ARHGAP11A: variants seen among roughly 807,000 people sequenced by gnomAD.
ARHGAP11A encodes Rho GTPase activating protein 11A, also known as rho GTPase-activating protein 11A.
Under a neutral mutation model 60.5 loss-of-function variants are expected in ARHGAP11A, and 36 were observed. The observed-to-expected ratio is 0.59, with a 90% CI of 0.46 to 0.79. The LOEUF is 0.79. Among genes scored for constraint, ARHGAP11A ranks in the 30% least tolerant of loss-of-function variants. ARHGAP11A has a pLI of 0.00. For missense variants in ARHGAP11A, 1,071 were observed against 1,199.2 expected, an observed-to-expected ratio of 0.89 and a Z score of 1.58; for synonymous variants, 362 against 415.5, an observed-to-expected ratio of 0.87 and a Z score of 1.57.
Position 32,618,763 on chromosome 15 carries a change from C to T in ARHGAP11A, c.130-1345C>T, listed in dbSNP as rs946464817. ...ATCCTAGCTAACACGGTGAAACCCCCCCCCCCCCGCCCCACGTCTCTACTA... is the reference window on the plus strand; with the variant it reads ...ATCCTAGCTAACACGGTGAAACCCCTCCCCCCCCGCCCCACGTCTCTACTA... On this transcript the variant is annotated intron_variant, in intron 1 of 11. Coordinates refer to ENST00000361627, the MANE Select transcript of ARHGAP11A (RefSeq NM_014783.6). Among the ~76,000 whole-genome samples the T allele has an allele frequency of 2.2e-5, 3 of 134,542 alleles. 1 individual carries two copies. The highest frequency in any genetic ancestry group is 4.9e-5 in the Non-Finnish European group (3 of 61,604). The allele number at this position is 134,542 out of a possible 152,430, so 88.3% of individuals were successfully genotyped here. A position where few individuals can be genotyped will look rare whatever the true frequency, so the allele number is the denominator to read the frequency against.
chr15:32,634,160 C>T (rs2053651165), intron 10 of ARHGAP11A, 119 bp downstream of exon 10: 1 of 686,502 alleles, frequency 1.5e-6, no homozygotes. Context: ...TCTTTTTATC[C>T]AAAACTCTTA....
At chr15:32,617,545 C>T (rs1402684610) in intron 1 of ARHGAP11A, among the ~76,000 whole-genome samples, 1 of 142,564 alleles carries the variant, frequency 7.0e-6, no homozygotes, top group Non-Finnish European at 1.5e-5. Flanking sequence ...GATCTTGGCT[C>T]ACTGCAAGCT....
At chr15:32,621,240 G>T (rs2053294767) in intron 2 of ARHGAP11A, among the ~76,000 whole-genome samples, 2 of 138,976 alleles carry the variant, frequency 1.4e-5, no homozygotes, top group South Asian at 4.5e-4. Context: ...GCCCAGGCTG[G>T]AGTGCAATGG....
rs1287088786 is a variant in ARHGAP11A, at chr15:32,623,601, T to C, written c.297+13T>C. 2.5e-6 allele frequency: 4 copies of C among 1,604,748 alleles called. No individual in the cohort carries two copies. The highest frequency in any genetic ancestry group is 3.4e-6 in the Non-Finnish European group (4 of 1,176,616). ...AAAAGCACTAAAGGTGAGCATATTG[T>C]TGAACTATTAATTTTTCATTTGAGC... On this transcript the variant is annotated intron_variant, in intron 3 of 11. Transcript: ENST00000361627.
In ARHGAP11A at chr15:32,616,220, T is replaced by A; in HGVS notation, c.9T>A (p.Asp3Glu). 6 of 1,614,104 alleles carry A rather than the reference T, an allele frequency of 3.7e-6. No homozygotes were observed. Among genetic ancestry groups the A allele is most frequent in the Non-Finnish European group, 5.1e-6 (6 of 1,180,010 alleles). The change falls in exon 1 of 12, where the codon GAT becomes GAA. Residue 3 changes from aspartate (D) to glutamate (E), a missense_variant. Asp to Glu is a conservative substitution (Grantham distance 45). Transcript: ENST00000361627. The part of the protein sequence containing the change: MW[D>E]QRLVRLALLQ... ...TTATCGACGTATCCGGAATGTGGGA[T>A]CAGAGGCTGGTGAGGTTGGCCCTGT...
chr15:32,628,628 G>A lies in ARHGAP11A; in HGVS notation c.863-100G>A, dbSNP rs1595768865. 1.1e-5 allele frequency: 10 copies of A among 873,446 alleles called. No individual in the cohort carries two copies. The East Asian group carries it at 1.7e-4, about 15-fold the overall frequency. The allele number at this position is 873,446 out of a possible 1,614,324, so 54.1% of individuals were successfully genotyped here. A position where few individuals can be genotyped will look rare whatever the true frequency, so the allele number is the denominator to read the frequency against. ...AATAACTTAAAATTTATAAGCCGAT[G>A]TAAAGTTACATGTTGAAAGAAGACT... On this transcript the variant is annotated intron_variant, in intron 6 of 11. Coordinates refer to ENST00000361627, the MANE Select transcript of ARHGAP11A (RefSeq NM_014783.6).
At position 32,633,081 on chromosome 15, in the gene ARHGAP11A, A is replaced by G. The variant is rs755624541; in HGVS notation, c.1208A>G (p.Lys403Arg). Residue 403 changes from lysine (K) to arginine (R), a missense_variant, in exon 9 of 12, where the codon AAA becomes AGA. Transcript: ENST00000361627. ...LITAGVPRRS[K>R]RIAGKKVCRV... ...ACTGCAGGTGTGCCAAGGCGAAGTAAAAGAATTGCAGGCAAAAAAGTTTGC... is the reference window on the plus strand; with the variant it reads ...ACTGCAGGTGTGCCAAGGCGAAGTAGAAGAATTGCAGGCAAAAAAGTTTGC... 3.7e-6 allele frequency: 6 copies of G among 1,614,122 alleles called. No individual in the cohort carries two copies. In the South Asian group the frequency reaches 5.5e-5, roughly 15 times the overall value.
Position 32,635,791 on chromosome 15 carries a change from T to G in ARHGAP11A, c.1359T>G (p.Gly453=), listed in dbSNP as rs754756913. Residue 453 remains glycine, a synonymous_variant, in exon 11 of 12, where the codon GGT becomes GGG. Transcript: ENST00000361627. ...TTTCTGTACAGAATGGATGTTCTGG[T>G]GTCAATAGATATGAAAGTGTTGGTT... ...KNGREVNGCS[G]VNRYESVGWR... 1 of 1,606,066 alleles carries G rather than the reference T, an allele frequency of 6.2e-7. No homozygotes were observed. The highest frequency in any genetic ancestry group is 8.5e-7 in the Non-Finnish European group (1 of 1,177,240).
intron 9 of ARHGAP11A, 51 bp downstream of exon 9, chr15:32,633,159 C>T (rs2053624827): frequency 6.3e-7 from 1 of 1,586,936 alleles, no homozygotes; most frequent in Non-Finnish European, 8.6e-7. Context: ...TTGGTGTACA[C>T]ATAATTAATA....
intron 1 of ARHGAP11A, among the ~76,000 whole-genome samples, chr15:32,619,273 G>A (rs1461865592): frequency 6.6e-6 from 1 of 152,162 alleles, no homozygotes; most frequent in Non-Finnish European, 1.5e-5. Flanking sequence ...ACCCACTTAA[G>A]TTTGAATAAC....
At position 32,629,546 on chromosome 15, in the gene ARHGAP11A, G is replaced by A. The variant is rs189588252; in HGVS notation, c.938-49G>A. On this transcript the variant is annotated intron_variant, in intron 7 of 11. Transcript: ENST00000361627. ...AAATTATGTAAAGCTTTTATATGTT[G>A]TCAACTCTGCAGTAGAAACAAGTTG... The A allele has an allele frequency of 4.0e-6, 6 of 1,503,528 alleles. No homozygotes were observed. The East Asian group carries it at 9.2e-5, about 23-fold the overall frequency. 93.1% of individuals were successfully genotyped at this position (1,503,528 alleles called of 1,614,324 possible). A position where few individuals can be genotyped will look rare whatever the true frequency, so the allele number is the denominator to read the frequency against.
chr15:32,618,621 T>A (rs907270826), intron 1 of ARHGAP11A, among the ~76,000 whole-genome samples: 2 of 152,188 alleles, frequency 1.3e-5, no homozygotes, highest in Admixed American at 6.5e-5. Flanking sequence ...ACTCAGCTGT[T>A]AAGCAAGAGT....
chr15:32,623,713 G>A, intron 3 of ARHGAP11A, 125 bp downstream of exon 3: 1 of 891,000 alleles, frequency 1.1e-6, no homozygotes, highest in Non-Finnish European at 1.6e-6. Flanking sequence ...TTTTTTTCAT[G>A]GCAGAAGATT....
intron 11 of ARHGAP11A, 142 bp downstream of exon 11, chr15:32,636,057 G>T: frequency 1.5e-6 from 2 of 1,376,154 alleles, no homozygotes. Context: ...AATTGGCAAT[G>T]TATTTTTCTA....
rs909011815 is a variant in ARHGAP11A, at chr15:32,628,596, C to T, written c.863-132C>T. 4 of 616,050 alleles carry T rather than the reference C, an allele frequency of 6.5e-6. No homozygotes were observed. In the East Asian group the frequency reaches 1.3e-4, roughly 21 times the overall value. 38.2% of individuals were successfully genotyped at this position (616,050 alleles called of 1,614,324 possible). On this transcript the variant is annotated intron_variant, in intron 6 of 11. Transcript: ENST00000361627. ...GTATTTTTCCTATTTTGAAATAATT[C>T]CTCTTAAATAACTTAAAATTTATAA... is the stretch of plus-strand genomic sequence containing the variant.
At position 32,637,015 on chromosome 15, in the gene ARHGAP11A, T is replaced by G. The variant is rs2053732565; in HGVS notation, c.2242T>G (p.Leu748Val). ...KENENMMEGN[L>V]PKCAAHSKDE... ...GAATGAGAATATGATGGAAGGTAACTTACCGAAGTGTGCAGCACATAGCAA... is the reference window on the plus strand; with the variant it reads ...GAATGAGAATATGATGGAAGGTAACGTACCGAAGTGTGCAGCACATAGCAA... The change falls in exon 12 of 12, where the codon TTA becomes GTA. Residue 748 changes from leucine (L) to valine (V), a missense_variant. This residue lies in a region of ARHGAP11A where 776 missense variants were observed against 760.2 expected (regional missense o/e 1.02). Coordinates refer to ENST00000361627, the MANE Select transcript of ARHGAP11A (RefSeq NM_014783.6). The G allele has an allele frequency of 6.2e-7, 1 of 1,612,892 alleles. No individual in the cohort carries two copies. Among genetic ancestry groups the G allele is most frequent in the Non-Finnish European group, 8.5e-7 (1 of 1,179,758 alleles).
In ARHGAP11A at chr15:32,636,291, A is replaced by C; in HGVS notation, c.1518A>C (p.Leu506Phe). The stretch of plus-strand genomic sequence containing the variant: ...AGATCAGTAAGTCTGAGGAAACCTT[A>C]CTAACTCCAGAGCGACTAGTTGGAA... Reference protein sequence around the residue: ...SEKISKSEETLLTPERLVGTN... With the variant: ...SEKISKSEETFLTPERLVGTN... Residue 506 changes from leucine (L) to phenylalanine (F), a missense_variant, in exon 12 of 12, where the codon TTA becomes TTC. By Grantham distance (22) the Leu-to-Phe change is conservative. Around this residue, in one of 4 missense-constraint regions of ARHGAP11A, gnomAD observed 776 missense variants for 760.2 expected, o/e 1.02. Transcript: ENST00000361627. 6.2e-7 allele frequency: 1 copy of C among 1,610,546 alleles called. No homozygotes were observed.
chr15:32,638,140 G>A lies in ARHGAP11A; in HGVS notation c.*295G>A, dbSNP rs557506149. On this transcript the variant is annotated 3_prime_UTR_variant, in exon 12 of 12. Coordinates refer to ENST00000361627, the MANE Select transcript of ARHGAP11A (RefSeq NM_014783.6). The stretch of plus-strand genomic sequence containing the variant: ...GTCGTCCAGGCTGGAGTGCAGTGGC[G>A]CAATCTCACTGCAAGCTCCACTTCC... The A allele has an allele frequency of 3.5e-5, 9 of 256,450 alleles. No individual in the cohort carries two copies. Among genetic ancestry groups the A allele is most frequent in the South Asian group, 9.6e-5 (1 of 10,384 alleles). 15.9% of individuals were successfully genotyped at this position (256,450 alleles called of 1,614,324 possible).
chr15:32,615,287 C>T (rs1173029721), upstream of ARHGAP11A: 2 of 152,066 alleles, frequency 1.3e-5, no homozygotes, highest in African/African-American at 4.8e-5. Context: ...AAACAGTATT[C>T]CCCCGCCCCA....
Sources: gnomAD v4.1 joint callset for allele counts (sites outside exome capture counted in the v4.1 genomes callset) on GRCh38, gnomAD v4.1.1 for gene constraint, gnomAD v4.1.1 regional missense constraint, MANE v1.5 for transcripts, NCBI Gene and HGNC (gene_info 2026-07-23, HGNC 2026-07-21) for gene names.